GNA12: variants seen among roughly 807,000 people sequenced by gnomAD.
GNA12 encodes G protein subunit alpha 12, also known as guanine nucleotide-binding protein subunit alpha-12.
In GNA12, 9 loss-of-function variants were observed where a neutral mutation model predicts 26.0. That is an observed-to-expected ratio of 0.35 (90% CI 0.21 to 0.60). GNA12 has a LOEUF of 0.60. Ranked by LOEUF, GNA12 falls within the 20% of genes least tolerant of loss-of-function variation. GNA12 has a pLI of 0.78. For missense variants in GNA12, 405 were observed against 525.8 expected (o/e 0.77, Z 2.25); for synonymous variants, 264 against 219.6 (o/e 1.20, Z -1.79).
At chr7:2,734,602 CTA>C (rs1191383312) in intron 2 of GNA12, among the ~76,000 whole-genome samples, 3 of 152,250 alleles carry the variant, frequency 2.0e-5, no homozygotes, top group Non-Finnish European at 2.9e-5. Context: ...CCTGCTCAGT[CTA>C]TCTCTTCCTC....
At position 2,737,320 on chromosome 7, in the gene GNA12, G is replaced by A. The variant is rs189597859; in HGVS notation, c.526-3819C>T. ...TTTTTTTTTTTTGAGATGGAGTCTC[G>A]CCCTGTCGCCCCGGCTGGAGTGCAG... On this transcript the variant is annotated intron_variant, in intron 2 of 3. Coordinates refer to ENST00000275364, the MANE Select transcript of GNA12 (RefSeq NM_007353.3). 7.6e-4 allele frequency among the ~76,000 whole-genome samples: 85 copies of A among 111,936 alleles called. No individual in the cohort carries two copies. In the East Asian group the frequency reaches 0.015, roughly 20 times the overall value. The allele number at this position is 111,936 out of a possible 152,430, so 73.4% of individuals were successfully genotyped here.
chr7:2,837,526 G>A (rs1024315926), intron 1 of GNA12, among the ~76,000 whole-genome samples: 4 of 152,222 alleles, frequency 2.6e-5, no homozygotes, highest in Admixed American at 2.0e-4. Context: ...GATGAAGCCT[G>A]TGCCAAGACA....
At chr7:2,835,500 G>T in intron 1 of GNA12, 1 of 411,108 alleles carries the variant, frequency 2.4e-6, no homozygotes. Flanking sequence ...ATTGGCCATG[G>T]GTCCAAGGGG....
At chr7:2,825,645 G>A (rs1793467249) in intron 1 of GNA12, among the ~76,000 whole-genome samples, 2 of 152,208 alleles carry the variant, frequency 1.3e-5, no homozygotes, top group Admixed American at 6.5e-5. Context: ...GGGAGGCTGA[G>A]GGCCGCTATA....
chr7:2,840,998 C>T (rs969550436), intron 1 of GNA12, among the ~76,000 whole-genome samples: 5 of 152,056 alleles, frequency 3.3e-5, no homozygotes, highest in African/African-American at 9.7e-5. Context: ...GAAATGGTCA[C>T]GACACATGAA....
At chr7:2,824,729 A>G (rs1793444967) in intron 1 of GNA12, among the ~76,000 whole-genome samples, 2 of 152,182 alleles carry the variant, frequency 1.3e-5, no homozygotes, top group African/African-American at 4.8e-5. Context: ...GTCAGCCCCA[A>G]CAGGTGGCGA....
At chr7:2,802,192 T>C (rs550326083) in intron 1 of GNA12, among the ~76,000 whole-genome samples, 9 of 152,018 alleles carry the variant, frequency 5.9e-5, no homozygotes, top group African/African-American at 1.9e-4. Context: ...GAAGTATTAA[T>C]TGTTTGAATA....
intron 2 of GNA12, among the ~76,000 whole-genome samples, chr7:2,737,264 GTTTTGTT>G (rs1790233001): frequency 3.8e-5 from 2 of 52,452 alleles, no homozygotes; most frequent in Non-Finnish European, 8.0e-5. Flanking sequence ...CTATCTCACA[GTTTTGTT>G]TTGTTTTTTT....
intron 1 of GNA12, among the ~76,000 whole-genome samples, chr7:2,839,891 T>C (rs1459847563): frequency 1.3e-5 from 2 of 151,986 alleles, no homozygotes; most frequent in African/African-American, 2.4e-5. Flanking sequence ...CCCAGCTACC[T>C]GGGAGGCTGG....
chr7:2,844,308 G>A lies in GNA12; in HGVS notation c.-147C>T, dbSNP rs1779106102. Reference sequence around the variant, plus strand: ...GCCGCCGCCGCTGCAGTCGCTCCGAGGCCCGCACTCGTCGCCCGGCCGCCA... The same window carrying A: ...GCCGCCGCCGCTGCAGTCGCTCCGAAGCCCGCACTCGTCGCCCGGCCGCCA... On this transcript the variant is annotated 5_prime_UTR_variant, in exon 1 of 4. Coordinates refer to ENST00000275364, the MANE Select transcript of GNA12 (RefSeq NM_007353.3). 5 of 244,672 alleles carry A rather than the reference G, an allele frequency of 2.0e-5. No homozygotes were observed. The South Asian group carries it at 6.8e-4, about 33-fold the overall frequency. The allele number at this position is 244,672 out of a possible 1,614,324, so 15.2% of individuals were successfully genotyped here.
chr7:2,743,121 A>T (rs1054691639), intron 2 of GNA12, among the ~76,000 whole-genome samples: 2 of 152,186 alleles, frequency 1.3e-5, no homozygotes, highest in African/African-American at 4.8e-5. Flanking sequence ...AGAGTCAGTG[A>T]GGGAGACCTC....
intron 1 of GNA12, among the ~76,000 whole-genome samples, chr7:2,822,330 C>T (rs1363616544): frequency 6.6e-6 from 1 of 152,348 alleles, no homozygotes; most frequent in East Asian, 1.9e-4. Context: ...GAACTAGCAT[C>T]TGTAGACAGT....
intron 2 of GNA12, among the ~76,000 whole-genome samples, chr7:2,745,343 G>T (rs891830830): frequency 6.6e-6 from 1 of 152,248 alleles, no homozygotes. Context: ...CTGCAAGCCA[G>T]AAGAGAGTGG....
chr7:2,738,176 T>C (rs930613773), intron 2 of GNA12, among the ~76,000 whole-genome samples: 1 of 152,136 alleles, frequency 6.6e-6, no homozygotes, highest in Non-Finnish European at 1.5e-5. Flanking sequence ...CCTCAGCACG[T>C]TGGGAGGCCG....
chr7:2,780,568 C>T (rs1199076245), intron 2 of GNA12, among the ~76,000 whole-genome samples: 1 of 152,132 alleles, frequency 6.6e-6, no homozygotes, highest in Admixed American at 6.6e-5. Flanking sequence ...GTTTTATCTC[C>T]TGTGTATGCA....
At chr7:2,833,909 G>GATA (rs1001548903) in intron 1 of GNA12, among the ~76,000 whole-genome samples, 4 of 152,002 alleles carry the variant, frequency 2.6e-5, no homozygotes, top group African/African-American at 9.7e-5. Context: ...AAGTACATGT[G>GATA]ATACAGCAAA....
At chr7:2,797,494 T>G (rs1792706283) in intron 1 of GNA12, among the ~76,000 whole-genome samples, 1 of 151,742 alleles carries the variant, frequency 6.6e-6, no homozygotes, top group Non-Finnish European at 1.5e-5. Context: ...CTATAATCCA[T>G]GTACCATATA....
At chr7:2,732,665 C>G (rs1257670319) in intron 3 of GNA12, among the ~76,000 whole-genome samples, 1 of 152,212 alleles carries the variant, frequency 6.6e-6, no homozygotes, top group Non-Finnish European at 1.5e-5. Context: ...ATGCCTCGAT[C>G]TAGAGGTCTG....
intron 1 of GNA12, among the ~76,000 whole-genome samples, chr7:2,828,855 A>T (rs954779711): frequency 1.3e-5 from 2 of 152,170 alleles, no homozygotes; most frequent in Non-Finnish European, 2.9e-5. Context: ...CAGGAGTTTG[A>T]GACCAGCCTG....
Sources: gnomAD v4.1 joint callset for allele counts (sites outside exome capture counted in the v4.1 genomes callset) on GRCh38, gnomAD v4.1.1 for gene constraint, MANE v1.5 for transcripts, NCBI Gene and HGNC (gene_info 2026-07-23, HGNC 2026-07-21) for gene names.